The following CSMD1 variants were observed in gnomAD, a reference collection of about 807,000 sequenced individuals.
CSMD1 encodes CUB and sushi domain-containing protein 1.
CSMD1 carries 213 observed loss-of-function variants against 417.5 expected under a neutral mutation model. The observed-to-expected ratio is 0.51, with a 90% confidence interval of 0.46 to 0.57. The LOEUF is 0.57. Ranked by LOEUF, CSMD1 falls within the 20% of genes least tolerant of loss-of-function variation. The pLI, the probability that CSMD1 is intolerant of heterozygous loss-of-function variation, is 0.00. For missense variants in CSMD1, 6,923 were observed against 4,529.7 expected (o/e 1.53, Z -15.17); for synonymous variants, 2,862 against 1,736.8 (o/e 1.65, Z -16.11).
chr8:4,688,799 G>C (rs1806570722), intron 1 of CSMD1, among the ~76,000 whole-genome samples: 2 of 152,206 alleles, frequency 1.3e-5, no homozygotes, highest in South Asian at 4.1e-4. Flanking sequence ...TGCTTTGTGA[G>C]AACAGCTCTG....
At chr8:4,053,607 T>C (rs1206460820) in intron 3 of CSMD1, among the ~76,000 whole-genome samples, 1 of 152,186 alleles carries the variant, frequency 6.6e-6, no homozygotes, top group Non-Finnish European at 1.5e-5. Context: ...TCTGATCTCC[T>C]TTCTATTACT....
intron 3 of CSMD1, among the ~76,000 whole-genome samples, chr8:4,244,144 A>G (rs1015324367): frequency 7.9e-5 from 12 of 152,164 alleles, no homozygotes; most frequent in African/African-American, 2.9e-4. Context: ...GCACAAGTAG[A>G]TTTGTGCTAC....
intron 7 of CSMD1, among the ~76,000 whole-genome samples, chr8:3,681,117 G>C (rs926902164): frequency 9.2e-5 from 14 of 152,152 alleles, no homozygotes; most frequent in African/African-American, 3.1e-4. Flanking sequence ...CATTCCCTTT[G>C]AAAACTGGCA....
intron 7 of CSMD1, among the ~76,000 whole-genome samples, chr8:3,636,511 C>T (rs1419579745): frequency 1.3e-5 from 2 of 152,176 alleles, no homozygotes; most frequent in Non-Finnish European, 2.9e-5. Context: ...CTATCTAAGC[C>T]AGTCAAACCC....
At chr8:4,116,506 G>A (rs1378963716) in intron 3 of CSMD1, among the ~76,000 whole-genome samples, 1 of 128,122 alleles carries the variant, frequency 7.8e-6, no homozygotes, top group Non-Finnish European at 1.6e-5. Flanking sequence ...GTACACATCC[G>A]ACGGCGATGT....
Position 3,641,024 on chromosome 8 carries a change from CTTTTTTTTTTTTTT to C in CSMD1, c.1010-24241_1010-24228del, listed in dbSNP as rs34851559. 2.9e-5 allele frequency among the ~76,000 whole-genome samples: 3 copies of C among 102,752 alleles called. No homozygotes were observed. In the East Asian group the frequency reaches 8.5e-4, roughly 29 times the overall value. 67.4% of individuals were successfully genotyped at this position (102,752 alleles called of 152,430 possible). A position where few individuals can be genotyped will look rare whatever the true frequency, so the allele number is the denominator to read the frequency against. On this transcript the variant is annotated intron_variant, in intron 7 of 69. Coordinates refer to ENST00000635120, the MANE Select transcript of CSMD1 (RefSeq NM_033225.6). ...TCCTCTATTTTGTGTTCCTTTTTTC[CTTTTTTTTTTTTTT>C]TTTTTTTTTGTGAATAATGTCCTCA... is the stretch of plus-strand genomic sequence containing the variant.
chr8:3,108,642 C>T lies in CSMD1; in HGVS notation c.6715G>A (p.Asp2239Asn), dbSNP rs779137794. The T allele has an allele frequency of 4.3e-6, 7 of 1,613,746 alleles. No homozygotes were observed. The highest frequency in any genetic ancestry group is 2.2e-5 in the East Asian group (1 of 44,858). The change falls in exon 44 of 70, where the codon GAC (aspartate) becomes AAC (asparagine). Residue 2239 changes from aspartate to asparagine, a missense_variant. Coordinates refer to ENST00000635120, the MANE Select transcript of CSMD1 (RefSeq NM_033225.6). ...ACAAAGAAGCCTCCATTTGAAAAGT[C>T]GCTGTGGAACTTGAGCAGGACTTGG... is the stretch of plus-strand genomic sequence containing the variant. ...TNQVLLKFHS[D>N]FSNGGFFVLN...
chr8:3,579,323 C>A (rs2200075), intron 9 of CSMD1, among the ~76,000 whole-genome samples: 56,977 of 151,582 alleles, frequency 0.38, 11,277 homozygotes, highest in Middle Eastern at 0.46. Flanking sequence ...TTGTTTCATG[C>A]AATTTATCTT....
intron 37 of CSMD1, among the ~76,000 whole-genome samples, chr8:3,174,095 A>C (rs1034861522): frequency 1.3e-5 from 2 of 152,234 alleles, no homozygotes; most frequent in African/African-American, 2.4e-5. Flanking sequence ...ATTCATAAGA[A>C]ACGTGACTTC....
At chr8:4,880,967 C>T (rs919159675) in intron 1 of CSMD1, among the ~76,000 whole-genome samples, 2 of 152,078 alleles carry the variant, frequency 1.3e-5, no homozygotes, top group Non-Finnish European at 2.9e-5. Context: ...AATCCATGTT[C>T]TCACTATTTC....
rs563832649 is a variant in CSMD1, at chr8:4,364,543, G to A, written c.415+55410C>T. Among the ~76,000 whole-genome samples the A allele has an allele frequency of 1.7e-4, 3 of 17,582 alleles. 1 individual carries two copies. Among genetic ancestry groups the A allele is most frequent in the East Asian group, 3.1e-3 (2 of 648 alleles). The allele number at this position is 17,582 out of a possible 152,430, so 11.5% of individuals were successfully genotyped here. On this transcript the variant is annotated intron_variant, in intron 3 of 69. Coordinates refer to ENST00000635120, the MANE Select transcript of CSMD1 (RefSeq NM_033225.6). Reference sequence around the variant, plus strand: ...AACATTTTTTAAAAAGATAATCAATGGCCGGGCGCGGTGGCTCACGCCTGT... The same window carrying A: ...AACATTTTTTAAAAAGATAATCAATAGCCGGGCGCGGTGGCTCACGCCTGT...
At chr8:3,046,023 G>C (rs1268921180) in intron 50 of CSMD1, among the ~76,000 whole-genome samples, 1 of 152,180 alleles carries the variant, frequency 6.6e-6, no homozygotes, top group East Asian at 1.9e-4. Flanking sequence ...GGGGCTCCAA[G>C]TCGGCCTCTT....
chr8:3,087,867 G>C (rs764230035), intron 48 of CSMD1, among the ~76,000 whole-genome samples: 9 of 152,206 alleles, frequency 5.9e-5, no homozygotes, highest in Non-Finnish European at 1.2e-4. Flanking sequence ...TACTGCACAA[G>C]ACATCATATT....
intron 2 of CSMD1, among the ~76,000 whole-genome samples, chr8:4,475,949 T>C (rs1800781284): frequency 6.6e-6 from 1 of 152,170 alleles, no homozygotes; most frequent in Non-Finnish European, 1.5e-5. Flanking sequence ...TGCTGTTGGT[T>C]TCATTTTGTT....
At chr8:3,399,335 A>C (rs148138757) in intron 16 of CSMD1, 56 bp downstream of exon 16, 2 of 1,476,662 alleles carry the variant, frequency 1.4e-6, no homozygotes, top group East Asian at 2.3e-5. Flanking sequence ...CATTTACTAA[A>C]ACTATGGAAG....
chr8:3,180,700 A>G (rs1040025752), intron 37 of CSMD1, among the ~76,000 whole-genome samples: 1 of 152,092 alleles, frequency 6.6e-6, no homozygotes, highest in Non-Finnish European at 1.5e-5. Flanking sequence ...CAGTGGTGCA[A>G]TCTTGGCTCA....
At chr8:4,403,156 C>T (rs907120668) in intron 3 of CSMD1, among the ~76,000 whole-genome samples, 1 of 152,050 alleles carries the variant, frequency 6.6e-6, no homozygotes, top group Non-Finnish European at 1.5e-5. Flanking sequence ...TTTAAAGCTT[C>T]CACTTTTACA....
At chr8:3,688,505 A>T (rs1563274404) in intron 7 of CSMD1, among the ~76,000 whole-genome samples, 1 of 152,216 alleles carries the variant, frequency 6.6e-6, no homozygotes, top group Non-Finnish European at 1.5e-5. Context: ...TGTAGTTATA[A>T]TGAAAAGTTA....
At chr8:4,367,860 C>T (rs558657234) in intron 3 of CSMD1, among the ~76,000 whole-genome samples, 46 of 152,138 alleles carry the variant, frequency 3.0e-4, no homozygotes, top group Non-Finnish European at 5.7e-4. Flanking sequence ...CTTTGAGCTT[C>T]GATAGGGTAT....
Sources: gnomAD v4.1 joint callset for allele counts (sites outside exome capture counted in the v4.1 genomes callset) on GRCh38, gnomAD v4.1.1 for gene constraint, MANE v1.5 for transcripts, NCBI Gene and HGNC (gene_info 2026-07-23, HGNC 2026-07-21) for gene names.